The following NDUFAF6 variants were observed in gnomAD, a reference collection of about 807,000 sequenced individuals.
The protein encoded by NDUFAF6 is NADH:ubiquinone oxidoreductase complex assembly factor 6, also known as NADH dehydrogenase (ubiquinone) complex I, assembly factor 6.
Under a neutral mutation model 40.8 loss-of-function variants are expected in NDUFAF6, and 45 were observed. The ratio of observed to expected loss-of-function variants is 1.10; its 90% CI spans 0.87 to 1.42. The LOEUF (loss-of-function observed/expected upper bound fraction) is 1.42, where lower values mean the gene tolerates loss of function less well. Ranked by LOEUF, NDUFAF6 falls within the 40% of genes most tolerant of loss-of-function variation. The pLI, the probability that NDUFAF6 is intolerant of heterozygous loss-of-function variation, is 0.00. For missense variants in NDUFAF6, 435 were observed against 418.5 expected, an observed-to-expected ratio of 1.04 and a Z score of -0.34; for synonymous variants, 185 against 155.9, an observed-to-expected ratio of 1.19 and a Z score of -1.39.
chr8:94,989,358 A>T (rs1194866073), intron 2 of NDUFAF6: 1 of 152,254 alleles, frequency 6.6e-6, no homozygotes, highest in East Asian at 1.9e-4. Context: ...TGGCATTTCT[A>T]TAAACCAGAA....
intron 9 of NDUFAF6, among the ~76,000 whole-genome samples, chr8:95,064,177 C>A (rs1213803636): frequency 1.3e-5 from 2 of 151,412 alleles, no homozygotes; most frequent in Non-Finnish European, 1.5e-5. Context: ...CGCGTGAGTC[C>A]CTGCACCCGG....
At chr8:95,012,698 C>T (rs554538586) in intron 2 of NDUFAF6, among the ~76,000 whole-genome samples, 4 of 140,928 alleles carry the variant, frequency 2.8e-5, no homozygotes, top group Non-Finnish European at 6.4e-5. Context: ...GGTATGGTGG[C>T]ACATGCCTGT....
upstream of NDUFAF6, among the ~76,000 whole-genome samples, chr8:94,957,418 C>G (rs1211902702): frequency 6.6e-6 from 1 of 151,978 alleles, no homozygotes; most frequent in East Asian, 1.9e-4. Context: ...GCCCAGGGCT[C>G]TGACATTTAG....
intron 9 of NDUFAF6, among the ~76,000 whole-genome samples, chr8:95,066,397 G>C (rs1449128037): frequency 6.7e-6 from 1 of 149,864 alleles, no homozygotes; most frequent in East Asian, 2.0e-4. Context: ...TTATGGGTGT[G>C]AGCCACTGTG....
chr8:95,098,599 G>T (rs1357728986), upstream of NDUFAF6, among the ~76,000 whole-genome samples: 3 of 152,236 alleles, frequency 2.0e-5, no homozygotes, highest in Non-Finnish European at 4.4e-5. Flanking sequence ...TAACCTGGGA[G>T]GCGGAGGTTG....
chr8:94,907,670 A>G (rs1343596149), intron 1 of NDUFAF6, among the ~76,000 whole-genome samples: 1 of 152,202 alleles, frequency 6.6e-6, no homozygotes, highest in African/African-American at 2.4e-5. Flanking sequence ...CAGTTCTGAT[A>G]AGGGGAACTG....
At chr8:94,989,951 A>T (rs1373774318) in intron 2 of NDUFAF6, among the ~76,000 whole-genome samples, 1 of 152,176 alleles carries the variant, frequency 6.6e-6, no homozygotes. Flanking sequence ...GCTGGTCTTG[A>T]ACTGCTAGGC....
chr8:94,933,836 G>GA (rs577760874), intron 1 of NDUFAF6, among the ~76,000 whole-genome samples: 1 of 145,364 alleles, frequency 6.9e-6, no homozygotes, highest in Admixed American at 6.8e-5. Flanking sequence ...GCACTTTGTG[G>GA]GGGGGGGGGG....
intron 1 of NDUFAF6, among the ~76,000 whole-genome samples, chr8:94,938,475 G>C (rs1821206115): frequency 6.6e-6 from 1 of 152,226 alleles, no homozygotes; most frequent in South Asian, 2.1e-4. Flanking sequence ...ACTGGTGGTT[G>C]GCAGCAACTA....
chr8:95,073,542 G>C (rs1832942631), intron 9 of NDUFAF6, among the ~76,000 whole-genome samples: 3 of 152,028 alleles, frequency 2.0e-5, no homozygotes, highest in Admixed American at 2.0e-4. Context: ...CCCCATTCCA[G>C]GTGTCTCCTT....
At chr8:94,935,806 A>G (rs766596665) in intron 1 of NDUFAF6, among the ~76,000 whole-genome samples, 1 of 152,232 alleles carries the variant, frequency 6.6e-6, no homozygotes, top group Non-Finnish European at 1.5e-5. Context: ...AGCTTTACGT[A>G]AAGAAGTTAT....
chr8:94,968,256 A>C (rs1043039099), intron 1 of NDUFAF6, among the ~76,000 whole-genome samples: 1 of 152,214 alleles, frequency 6.6e-6, no homozygotes, highest in Non-Finnish European at 1.5e-5. Context: ...AGGGGATTAC[A>C]TAAGGGCATG....
intron 9 of NDUFAF6, among the ~76,000 whole-genome samples, chr8:95,065,636 G>A (rs1832684717): frequency 6.6e-6 from 1 of 151,970 alleles, no homozygotes; most frequent in African/African-American, 2.4e-5. Context: ...TGTACTTAAG[G>A]CCTCCCAGCC....
intron 1 of NDUFAF6, among the ~76,000 whole-genome samples, chr8:94,968,256 A>G (rs1043039099): frequency 2.0e-5 from 3 of 152,214 alleles, no homozygotes; most frequent in Admixed American, 2.0e-4. Context: ...AGGGGATTAC[A>G]TAAGGGCATG....
chr8:94,954,308 G>A (rs183718244), upstream of NDUFAF6, among the ~76,000 whole-genome samples: 1,702 of 152,110 alleles, frequency 0.011, 24 homozygotes, highest in African/African-American at 0.038. Context: ...TGATCCGCCC[G>A]CCTCAGCCTC....
intron 2 of NDUFAF6, among the ~76,000 whole-genome samples, chr8:95,090,323 A>C (rs1809206780): frequency 6.6e-6 from 1 of 152,194 alleles, no homozygotes; most frequent in Admixed American, 6.5e-5. Context: ...TGACTTAAGT[A>C]TGATAACGTG....
intron 4 of NDUFAF6, among the ~76,000 whole-genome samples, chr8:95,109,215 AG>A (rs1563872773): frequency 2.0e-5 from 3 of 152,264 alleles, no homozygotes; most frequent in African/African-American, 7.2e-5. Flanking sequence ...CTTTAATATT[AG>A]TTAGTTGGGC....
At chr8:94,996,036 CCAAAGTGCT>C (rs1296171763) in intron 2 of NDUFAF6, among the ~76,000 whole-genome samples, 1 of 152,180 alleles carries the variant, frequency 6.6e-6, no homozygotes, top group Non-Finnish European at 1.5e-5. Context: ...CCTCGGCCTC[CCAAAGTGCT>C]CACAGGCGTG....
chr8:94,940,867 C>T, intron 1 of NDUFAF6: 1 of 1,613,712 alleles, frequency 6.2e-7, no homozygotes, highest in Non-Finnish European at 8.5e-7. Flanking sequence ...CATCTTCTTT[C>T]TCATTGAATT....
Sources: gnomAD v4.1 joint callset for allele counts (sites outside exome capture counted in the v4.1 genomes callset) on GRCh38, gnomAD v4.1.1 for gene constraint, MANE v1.5 for transcripts, NCBI Gene and HGNC (gene_info 2026-07-23, HGNC 2026-07-21) for gene names.